XRN1: variants seen among roughly 807,000 people sequenced by gnomAD.
The protein encoded by XRN1 is 5'-3' exoribonuclease 1, also known as strand-exchange protein 1 homolog.
In XRN1, 67 loss-of-function variants were observed where a neutral mutation model predicts 222.3. That is an observed-to-expected ratio of 0.30 (90% CI 0.25 to 0.37). The LOEUF is 0.37. Among genes scored for constraint, XRN1 ranks in the 10% least tolerant of loss-of-function variants. XRN1 has a pLI of 1.00. For missense variants in XRN1, 1,707 were observed against 2,000.2 expected (o/e 0.85, Z 2.80); for synonymous variants, 643 against 652.4 (o/e 0.99, Z 0.22).
chr3:142,329,483 G>T lies in XRN1; in HGVS notation c.4355C>A (p.Ser1452Tyr). 6.3e-7 allele frequency: 1 copy of T among 1,596,408 alleles called. No homozygotes were observed. The highest frequency in any genetic ancestry group is 1.4e-5 in the African/African-American group (1 of 73,848). Reference sequence around the variant, plus strand: ...ATCAGGTTGTGGCATTCCAACAAGGGAACAAATTCGAGAAAGTTCAGTTAC... The same window carrying T: ...ATCAGGTTGTGGCATTCCAACAAGGTAACAAATTCGAGAAAGTTCAGTTAC... ...TPVTELSRIC[S>Y]LVGMPQPDFS... The change falls in exon 37 of 41, where the codon TCC becomes TAC. Residue 1452 changes from serine to tyrosine, a missense_variant. Transcript: ENST00000392981.
intron 21 of XRN1, among the ~76,000 whole-genome samples, chr3:142,383,931 T>C (rs2067394522): frequency 6.6e-6 from 1 of 151,972 alleles, no homozygotes; most frequent in South Asian, 2.1e-4. Flanking sequence ...TTCAAGGGTG[T>C]AAGTTAATGG....
In XRN1 at chr3:142,447,849, C is replaced by A. The variant is rs78873096; in HGVS notation, c.75+21G>T. The A allele has an allele frequency of 7.6e-3, 12,175 of 1,612,498 alleles. 820 individuals carry two copies. The African/African-American group carries it at 0.14, about 19-fold the overall frequency. ...GCCCCGGGTCCTCGGCTTTCTGAGC[C>A]GTTGCCCCTCGCTCACCCACCTGAT... On this transcript the variant is annotated intron_variant, in intron 1 of 40. Coordinates refer to ENST00000392981, the MANE Select transcript of XRN1 (RefSeq NM_001282857.2). The surrounding 1 kb of genome is among the most constrained non-coding windows in gnomAD (Gnocchi z 4.2).
chr3:142,414,423 C>T (rs1199387149), intron 13 of XRN1, 132 bp from the exon 14 acceptor site: 1 of 629,550 alleles, frequency 1.6e-6, no homozygotes, highest in Non-Finnish European at 2.3e-6. Flanking sequence ...CATAATTCTA[C>T]TATCTGAATA....
intron 22 of XRN1, among the ~76,000 whole-genome samples, chr3:142,381,620 T>C (rs1473552902): frequency 6.9e-6 from 1 of 145,462 alleles, no homozygotes; most frequent in East Asian, 2.0e-4. Context: ...AAGGCTGGAG[T>C]GCAGTGGTAT....
rs2070491415 is a variant in XRN1 at position 142,446,130 on chromosome 3, TTACAAGATGA to T, written c.75+1730_75+1739del. ...TGGTTTCTAGTTTCTCTTTCTGTTT[TTACAAGATGA>T]TTCAGAGAAACTGAAAACCTATGCT... On this transcript the variant is annotated intron_variant, in intron 1 of 40. Transcript: ENST00000392981. Among the ~76,000 whole-genome samples, 3 of 152,322 alleles carry T rather than the reference TTACAAGATGA, an allele frequency of 2.0e-5. No individual in the cohort carries two copies. The South Asian group carries it at 6.2e-4, about 32-fold the overall frequency.
At chr3:142,426,309 A>T (rs574165561) in intron 3 of XRN1, among the ~76,000 whole-genome samples, 3 of 152,204 alleles carry the variant, frequency 2.0e-5, no homozygotes, top group African/African-American at 7.2e-5. Context: ...AAAAATCTTA[A>T]CTAATTTTGA....
At chr3:142,327,166 T>C (rs2065540022) in intron 37 of XRN1, among the ~76,000 whole-genome samples, 1 of 152,142 alleles carries the variant, frequency 6.6e-6, no homozygotes, top group Admixed American at 6.6e-5. Context: ...TTTGGAACAG[T>C]CTGAGTAGAA....
chr3:142,386,370 T>A (rs187833012), intron 20 of XRN1, among the ~76,000 whole-genome samples: 150 of 152,218 alleles, frequency 9.9e-4, no homozygotes, highest in African/African-American at 3.4e-3. Context: ...AGGGGTAGAT[T>A]AATATTGGAA....
chr3:142,359,824 A>G, intron 30 of XRN1, 38 bp downstream of exon 30: 1 of 1,451,378 alleles, frequency 6.9e-7, no homozygotes, highest in Non-Finnish European at 9.5e-7. Context: ...CCACATGAAC[A>G]TATTCACAAA....
chr3:142,418,398 C>A, intron 12 of XRN1, 106 bp downstream of exon 12: 1 of 848,832 alleles, frequency 1.2e-6, no homozygotes, highest in Non-Finnish European at 1.8e-6. Flanking sequence ...ATTCATGAAA[C>A]CAAAAAATCC....
rs2065069976 is a variant in XRN1 at position 142,311,317 on chromosome 3, T to C, written c.*194A>G. ...TAATTGACATACAACAAACTGCACA[T>C]ACTTAAAGTGCACAATTTGATACAC... On this transcript the variant is annotated 3_prime_UTR_variant, in exon 41 of 41. Coordinates refer to ENST00000392981, the MANE Select transcript of XRN1 (RefSeq NM_001282857.2). 2.2e-6 allele frequency: 1 copy of C among 464,028 alleles called. No homozygotes were observed. The highest frequency in any genetic ancestry group is 4.5e-5 in the South Asian group (1 of 22,092). The allele number at this position is 464,028 out of a possible 1,614,324, so 28.7% of individuals were successfully genotyped here.
intron 23 of XRN1, among the ~76,000 whole-genome samples, chr3:142,378,300 C>T (rs1311037042): frequency 6.6e-6 from 1 of 152,182 alleles, no homozygotes; most frequent in African/African-American, 2.4e-5. Flanking sequence ...TCATTCTTAG[C>T]TGAGTGGATA....
At chr3:142,348,458 T>C (rs774567199) in intron 32 of XRN1, among the ~76,000 whole-genome samples, 171 of 152,268 alleles carry the variant, frequency 1.1e-3, no homozygotes, top group Admixed American at 3.8e-3. Context: ...ATGGCATAAA[T>C]TTCATATGAA....
chr3:142,337,495 A>G (rs2065882745), intron 33 of XRN1, among the ~76,000 whole-genome samples: 2 of 152,226 alleles, frequency 1.3e-5, no homozygotes, highest in South Asian at 4.1e-4. Context: ...ATAAACGAAT[A>G]ACAAATGAGT....
chr3:142,376,693 TA>T, intron 23 of XRN1, 99 bp from the exon 24 acceptor site: 1 of 849,488 alleles, frequency 1.2e-6, no homozygotes. Flanking sequence ...AAGACATCAC[TA>T]ACCATTGGAT....
rs533764586 is a variant in XRN1 at position 142,400,909 on chromosome 3, T to C, written c.2104-362A>G. Among the ~76,000 whole-genome samples the C allele has an allele frequency of 7.9e-5, 12 of 151,656 alleles. No individual in the cohort carries two copies. The South Asian group carries it at 2.5e-3, about 31-fold the overall frequency. On this transcript the variant is annotated intron_variant, in intron 18 of 40. Coordinates refer to ENST00000392981, the MANE Select transcript of XRN1 (RefSeq NM_001282857.2). ...TCCAGCCTAGGCAACAGAGCAAGAC[T>C]CCGTCTCAAAAATAAATAAATAAAT...
chr3:142,371,157 A>G (rs1411980741), intron 26 of XRN1, 82 bp downstream of exon 26: 15 of 1,147,244 alleles, frequency 1.3e-5, no homozygotes, highest in Non-Finnish European at 1.7e-5. Flanking sequence ...AGTAATATGA[A>G]ATTCTTGAGA....
intron 29 of XRN1, among the ~76,000 whole-genome samples, chr3:142,364,122 C>T (rs2066741730): frequency 6.6e-6 from 1 of 152,200 alleles, no homozygotes; most frequent in African/African-American, 2.4e-5. Context: ...AAATAACACC[C>T]ACCCCTTGGG....
intron 27 of XRN1, among the ~76,000 whole-genome samples, chr3:142,368,940 T>C (rs1408513443): frequency 6.6e-6 from 1 of 152,210 alleles, no homozygotes; most frequent in Non-Finnish European, 1.5e-5. Flanking sequence ...TTTATCTTTT[T>C]GAGGACACTC....
Sources: allele counts gnomAD v4.1 joint callset (sites outside exome capture counted in the v4.1 genomes callset), GRCh38; gene constraint gnomAD v4.1.1; non-coding constraint Gnocchi (gnomAD v3.1); transcripts MANE v1.5; gene names NCBI Gene and HGNC (gene_info 2026-07-23, HGNC 2026-07-21).